The following EPHB1 variants were observed in gnomAD, a reference collection of about 807,000 sequenced individuals.
EPHB1 encodes EPH receptor B1, also known as ephrin type-B receptor 1.
In EPHB1, 30 loss-of-function variants were observed where a neutral mutation model predicts 94.4. The observed-to-expected ratio is 0.32, with a 90% CI of 0.24 to 0.43. EPHB1 has a LOEUF of 0.43. Ranked by LOEUF, EPHB1 falls within the 20% of genes least tolerant of loss-of-function variation. The pLI is 1.00. For missense variants in EPHB1, 1,055 were observed against 1,308.3 expected (o/e 0.81, Z 2.99); for synonymous variants, 522 against 489.1 (o/e 1.07, Z -0.89).
chr3:134,833,250 G>C (rs1436235488), intron 1 of EPHB1, among the ~76,000 whole-genome samples: 1 of 152,160 alleles, frequency 6.6e-6, no homozygotes, highest in African/African-American at 2.4e-5. Context: ...GGTCTGCCGG[G>C]GGTGCAACAC....
At chr3:134,925,971 C>A (rs2038784215) in intron 2 of EPHB1, 91 bp downstream of exon 2, 2 of 1,161,774 alleles carry the variant, frequency 1.7e-6, no homozygotes, top group East Asian at 2.7e-5. Context: ...AGAGCAGTAC[C>A]TGTGGGGAAT....
intron 4 of EPHB1, among the ~76,000 whole-genome samples, chr3:135,108,135 C>G (rs1310706766): frequency 6.6e-6 from 1 of 152,136 alleles, no homozygotes; most frequent in Non-Finnish European, 1.5e-5. Flanking sequence ...CTCATTAACC[C>G]CTCAGGTGCA....
At chr3:134,857,068 T>A (rs996573655) in intron 1 of EPHB1, among the ~76,000 whole-genome samples, 2 of 152,144 alleles carry the variant, frequency 1.3e-5, no homozygotes, top group African/African-American at 4.8e-5. Context: ...CTCAGGCGAC[T>A]GGGGTGGGGT....
chr3:134,817,131 G>GT (rs907852057), intron 1 of EPHB1, among the ~76,000 whole-genome samples: 83 of 150,074 alleles, frequency 5.5e-4, no homozygotes, highest in Middle Eastern at 3.4e-3. Context: ...TATGAATGTA[G>GT]TTTTTTTTTT....
At chr3:135,115,628 A>G (rs1396393938) in intron 4 of EPHB1, among the ~76,000 whole-genome samples, 1 of 152,006 alleles carries the variant, frequency 6.6e-6, no homozygotes, top group Non-Finnish European at 1.5e-5. Flanking sequence ...TGTCCGATGC[A>G]GTCAAGTGGT....
chr3:135,123,504 A>G lies in EPHB1; in HGVS notation c.962-9210A>G, dbSNP rs1383015720. Among the ~76,000 whole-genome samples the G allele has an allele frequency of 2.0e-5, 3 of 152,106 alleles. No individual in the cohort carries two copies. The South Asian group carries it at 6.2e-4, about 32-fold the overall frequency. ...ATTGGTCATTTGGGCAGTGATATGA[A>G]CAAGTTTCATCAAGTCAGAGCCATG... is the stretch of plus-strand genomic sequence containing the variant. On this transcript the variant is annotated intron_variant, in intron 4 of 15. Coordinates refer to ENST00000398015, the MANE Select transcript of EPHB1 (RefSeq NM_004441.5).
intron 12 of EPHB1, among the ~76,000 whole-genome samples, chr3:135,204,455 C>T (rs1942844456): frequency 6.6e-6 from 1 of 152,096 alleles, no homozygotes; most frequent in Non-Finnish European, 1.5e-5. Context: ...ATCTGGCCAC[C>T]TTGGTCTCCC....
At chr3:135,097,096 CAAAA>C (rs1182116389) in intron 3 of EPHB1, among the ~76,000 whole-genome samples, 1 of 83,514 alleles carries the variant, frequency 1.2e-5, no homozygotes, top group Admixed American at 1.5e-4. Flanking sequence ...ACTCTGTCTA[CAAAA>C]AAAAAAAAAA....
chr3:134,892,988 G>A (rs2038016388), intron 1 of EPHB1, among the ~76,000 whole-genome samples: 1 of 152,050 alleles, frequency 6.6e-6, no homozygotes, highest in Non-Finnish European at 1.5e-5. Flanking sequence ...CTGCACAGAG[G>A]CACATGCTCA....
At chr3:135,172,766 A>T (rs1289879308) in intron 9 of EPHB1, among the ~76,000 whole-genome samples, 1 of 152,248 alleles carries the variant, frequency 6.6e-6, no homozygotes, top group East Asian at 1.9e-4. Flanking sequence ...TTGGTACAAA[A>T]GGTGGCTGAG....
At chr3:134,925,279 T>C (rs36188) in intron 1 of EPHB1, among the ~76,000 whole-genome samples, 150,919 of 152,320 alleles carry the variant, frequency 0.99, 74,775 homozygotes, top group East Asian at 1. Flanking sequence ...GATGGGAAGT[T>C]ACCCAAGGGT....
At chr3:134,953,239 A>G (rs1933108874) in intron 3 of EPHB1, among the ~76,000 whole-genome samples, 1 of 152,186 alleles carries the variant, frequency 6.6e-6, no homozygotes, top group Admixed American at 6.5e-5. Context: ...TGAAGTGCCA[A>G]GCAGGCTTGT....
At chr3:134,900,882 C>A (rs16842240) in intron 1 of EPHB1, among the ~76,000 whole-genome samples, 22,730 of 151,928 alleles carry the variant, frequency 0.15, 2,193 homozygotes, top group African/African-American at 0.27. Flanking sequence ...TCTCAATGGA[C>A]CAACAGACAC....
chr3:134,867,841 G>A lies in EPHB1; in HGVS notation c.59-57975G>A, dbSNP rs184440311. Among the ~76,000 whole-genome samples the A allele has an allele frequency of 1.4e-3, 215 of 152,310 alleles. 2 individuals are homozygous for A. The highest frequency in any genetic ancestry group is 2.0e-3 in the Non-Finnish European group (137 of 68,026). On this transcript the variant is annotated intron_variant, in intron 1 of 15. Transcript: ENST00000398015. ...CAGGTCATTGAGGGAAATGCTGTGG[G>A]AGTTGTGTGCTGGAGTTCTCGCCTC...
At chr3:134,904,991 A>G (rs1425686538) in intron 1 of EPHB1, among the ~76,000 whole-genome samples, 1 of 152,156 alleles carries the variant, frequency 6.6e-6, no homozygotes, top group African/African-American at 2.4e-5. Context: ...GGAGAGACAA[A>G]TGATCTCTAC....
At chr3:134,819,481 A>G (rs1234323354) in intron 1 of EPHB1, among the ~76,000 whole-genome samples, 6 of 152,208 alleles carry the variant, frequency 3.9e-5, no homozygotes, top group Admixed American at 3.9e-4. Flanking sequence ...TAAAATGGGA[A>G]TGAATCATAT....
In EPHB1 at chr3:135,257,325, G is replaced by GT. The variant is rs569972126; in HGVS notation, c.2847-1681dup. Among the ~76,000 whole-genome samples, 1,003 of 152,290 alleles carry GT rather than the reference G, an allele frequency of 6.6e-3. 13 individuals are homozygous for GT. The highest frequency in any genetic ancestry group is 0.023 in the African/African-American group (956 of 41,552). On this transcript the variant is annotated intron_variant, in intron 15 of 15. Coordinates refer to ENST00000398015, the MANE Select transcript of EPHB1 (RefSeq NM_004441.5). The stretch of plus-strand genomic sequence containing the variant: ...TTAAAGTTTCCACCTTTTCTGTTCT[G>GT]TTTTTTCCCCATCTTTGTGGTTTTA...
intron 1 of EPHB1, among the ~76,000 whole-genome samples, chr3:134,885,530 G>C (rs140759590): frequency 6.6e-6 from 1 of 152,276 alleles, no homozygotes; most frequent in South Asian, 2.1e-4. Context: ...TCCACCCCAG[G>C]TTTGAGGAGA....
At chr3:135,190,293 T>C (rs544176877) in intron 10 of EPHB1, among the ~76,000 whole-genome samples, 1 of 152,330 alleles carries the variant, frequency 6.6e-6, no homozygotes, top group Non-Finnish European at 1.5e-5. Context: ...TTGTGTGCTG[T>C]CTCCTCCACA....
Sources: gnomAD v4.1 joint callset for allele counts (sites outside exome capture counted in the v4.1 genomes callset) on GRCh38, gnomAD v4.1.1 for gene constraint, MANE v1.5 for transcripts, NCBI Gene and HGNC (gene_info 2026-07-23, HGNC 2026-07-21) for gene names.